Variants in CTNNA2 observed in about 807,000 individuals in gnomAD.
CTNNA2 encodes catenin alpha 2.
A neutral mutation model predicts 101.0 loss-of-function variants in CTNNA2; 42 were observed. The ratio of observed to expected loss-of-function variants is 0.42; its 90% CI spans 0.32 to 0.54. The LOEUF (loss-of-function observed/expected upper bound fraction) is 0.54. Ranked by LOEUF, CTNNA2 falls within the 20% of genes least tolerant of loss-of-function variation. The pLI is 0.14. For missense variants in CTNNA2, 871 were observed against 1,223.1 expected (o/e 0.71, Z 4.29); for synonymous variants, 450 against 456.4 (o/e 0.99, Z 0.18).
rs70940076 is a variant in CTNNA2 at position 80,199,182 on chromosome 2, G to GAAAA, written c.1057-194004_1057-194001dup. Reference sequence around the variant, plus strand: ...GGAGACAGAGTGAGACTCCATCTCAGAAAAAAAAAAAAAAAAAAAAAAAAA... The same window carrying GAAAA: ...GGAGACAGAGTGAGACTCCATCTCAGAAAAAAAAAAAAAAAAAAAAAAAAAAAAA... On this transcript the variant is annotated intron_variant, in intron 7 of 18. Transcript: ENST00000402739. 1.3e-3 allele frequency among the ~76,000 whole-genome samples: 54 copies of GAAAA among 40,060 alleles called. 4 individuals are homozygous for GAAAA. Among genetic ancestry groups the GAAAA allele is most frequent in the African/African-American group, 3.6e-3 (42 of 11,718 alleles). 26.3% of individuals were successfully genotyped at this position (40,060 alleles called of 152,430 possible).
chr2:79,854,570 T>C (rs886616387), intron 3 of CTNNA2, among the ~76,000 whole-genome samples: 1 of 152,224 alleles, frequency 6.6e-6, no homozygotes, highest in Non-Finnish European at 1.5e-5. Context: ...AGTTAATACA[T>C]GTAAAGCTTT....
chr2:79,410,869 G>A (rs1293742343), intron 4 of CTNNA2, among the ~76,000 whole-genome samples: 1 of 151,946 alleles, frequency 6.6e-6, no homozygotes, highest in Non-Finnish European at 1.5e-5. Flanking sequence ...AGTTTCAGAA[G>A]GAATGGTACC....
chr2:79,869,706 T>C, intron 4 of CTNNA2, 110 bp from the exon 5 acceptor site: 1 of 1,372,596 alleles, frequency 7.3e-7, no homozygotes. Flanking sequence ...CATTTACATG[T>C]TAACACATAC....
chr2:80,578,861 AGTG>A (rs1695290517), intron 13 of CTNNA2: 2 of 152,126 alleles, frequency 1.3e-5, no homozygotes, highest in African/African-American at 4.8e-5. Context: ...CCTGTCCCAT[AGTG>A]GGTGGTAAAC....
At chr2:80,515,734 A>C (rs1235935130) in intron 9 of CTNNA2, among the ~76,000 whole-genome samples, 2 of 152,206 alleles carry the variant, frequency 1.3e-5, no homozygotes, top group African/African-American at 4.8e-5. Context: ...CTGAAGACCT[A>C]ATTTACTTCT....
intron 7 of CTNNA2, among the ~76,000 whole-genome samples, chr2:80,335,385 G>A (rs965456242): frequency 2.0e-5 from 3 of 152,164 alleles, no homozygotes; most frequent in Admixed American, 2.0e-4. Context: ...AGAAAGAGGA[G>A]TGAGGAGGAA....
Position 79,338,682 on chromosome 2 carries a change from C to T in CTNNA2, c.-318+25886C>T, listed in dbSNP as rs116722971. On this transcript the variant is annotated intron_variant, in intron 3 of 21. Coordinates refer to the CTNNA2 transcript ENST00000466387. ...GCTGCTCTGGATTATTTGGTGGGGG[C>T]GGGGTAGGGCAAAATATAATAATGG... Among the ~76,000 whole-genome samples the T allele has an allele frequency of 3.0e-3, 429 of 143,348 alleles. 3 individuals are homozygous for T. Among genetic ancestry groups the T allele is most frequent in the African/African-American group, 0.01 (401 of 38,370 alleles). 94.0% of individuals were successfully genotyped at this position (143,348 alleles called of 152,430 possible). A position where few individuals can be genotyped will look rare whatever the true frequency, so the allele number is the denominator to read the frequency against.
At chr2:79,540,266 C>G (rs1673326388) in intron 1 of CTNNA2, among the ~76,000 whole-genome samples, 1 of 152,290 alleles carries the variant, frequency 6.6e-6, no homozygotes, top group Non-Finnish European at 1.5e-5. Context: ...CTGCCACTTA[C>G]TAGCTTGGGC....
In CTNNA2 at chr2:80,571,318, T is replaced by C. The variant is rs1249624630; in HGVS notation, c.1742-2845T>C. 3.3e-5 allele frequency among the ~76,000 whole-genome samples: 5 copies of C among 152,176 alleles called. No homozygotes were observed. The East Asian group carries it at 9.6e-4, about 29-fold the overall frequency. On this transcript the variant is annotated intron_variant, in intron 12 of 18. Coordinates refer to ENST00000402739, the MANE Select transcript of CTNNA2 (RefSeq NM_001282597.3). ...TGAGGGACTTCCTCACTTAATGATA[T>C]TGTTCAGATCGGTTTCTATCATGTT...
At chr2:80,540,186 C>T (rs934992907) in intron 9 of CTNNA2, among the ~76,000 whole-genome samples, 15 of 152,140 alleles carry the variant, frequency 9.9e-5, no homozygotes, top group Non-Finnish European at 1.8e-4. Context: ...CACCCTTTAT[C>T]ATGAGAAACT....
At chr2:79,996,639 A>C (rs777257016) in intron 7 of CTNNA2, among the ~76,000 whole-genome samples, 2 of 152,170 alleles carry the variant, frequency 1.3e-5, no homozygotes, top group Non-Finnish European at 2.9e-5. Flanking sequence ...GAGAGATTTT[A>C]TTCACTTAGC....
chr2:80,246,243 C>A (rs556375679), intron 7 of CTNNA2, among the ~76,000 whole-genome samples: 2 of 152,162 alleles, frequency 1.3e-5, no homozygotes, highest in African/African-American at 4.8e-5. Context: ...AATGGTCTCA[C>A]AAGAATTTAT....
Position 79,464,147 on chromosome 2 carries a change from G to A in CTNNA2, c.-134-40907G>A, listed in dbSNP as rs189920066. ...TATCCTCCCACTCCCATCACCCCAC[G>A]ACAGGCCCCGATGTGTGATGTTCCC... On this transcript the variant is annotated intron_variant, in intron 4 of 21. Coordinates refer to the CTNNA2 transcript ENST00000466387. Among the ~76,000 whole-genome samples the A allele has an allele frequency of 2.3e-3, 355 of 152,070 alleles. 1 individual carries two copies. The highest frequency in any genetic ancestry group is 8.0e-3 in the African/African-American group (330 of 41,486).
At chr2:79,467,325 G>A (rs1259948504) in intron 4 of CTNNA2, among the ~76,000 whole-genome samples, 1 of 152,066 alleles carries the variant, frequency 6.6e-6, no homozygotes, top group East Asian at 1.9e-4. Flanking sequence ...GAAGTTTAGA[G>A]AAAAAAGAGA....
intron 2 of CTNNA2, among the ~76,000 whole-genome samples, chr2:79,706,023 G>A (rs1307204433): frequency 2.0e-5 from 3 of 152,070 alleles, no homozygotes; most frequent in Non-Finnish European, 4.4e-5. Context: ...ATAACTGTAT[G>A]CCAGAGGCAT....
At chr2:80,106,863 G>A (rs1700919750) in intron 7 of CTNNA2, among the ~76,000 whole-genome samples, 1 of 152,110 alleles carries the variant, frequency 6.6e-6, no homozygotes, top group South Asian at 2.1e-4. Context: ...AGGAGTCTCA[G>A]TACTGAAGTG....
chr2:79,949,578 G>C (rs1289758603), intron 7 of CTNNA2, among the ~76,000 whole-genome samples: 2 of 151,496 alleles, frequency 1.3e-5, no homozygotes, highest in East Asian at 1.9e-4. Flanking sequence ...CATCAGCCTG[G>C]GCAACATAGC....
intron 15 of CTNNA2, among the ~76,000 whole-genome samples, chr2:80,592,768 G>C (rs1696622488): frequency 6.6e-6 from 1 of 152,014 alleles, no homozygotes; most frequent in African/African-American, 2.4e-5. Flanking sequence ...TATTGAGAAG[G>C]CATAAAAAAT....
At chr2:79,400,671 C>T (rs919051054) in intron 4 of CTNNA2, among the ~76,000 whole-genome samples, 4 of 151,816 alleles carry the variant, frequency 2.6e-5, no homozygotes, top group African/African-American at 7.3e-5. Context: ...ATCAGGCACA[C>T]TATTTTACAC....
Sources: allele counts gnomAD v4.1 joint callset (sites outside exome capture counted in the v4.1 genomes callset), GRCh38; gene constraint gnomAD v4.1.1; transcripts MANE v1.5; gene names NCBI Gene and HGNC (gene_info 2026-07-23, HGNC 2026-07-21).